Variants in SIN3A observed in about 807,000 individuals in gnomAD.
SIN3A encodes SIN3 transcription regulator family member A.
Under a neutral mutation model 146.1 loss-of-function variants are expected in SIN3A, and 14 were observed. The observed-to-expected ratio is 0.10, with a 90% confidence interval of 0.06 to 0.15. SIN3A has a LOEUF of 0.15. Among genes scored for constraint, SIN3A ranks in the 10% least tolerant of loss-of-function variants. The probability of loss-of-function intolerance (pLI) is 1.00; values close to 1 mark genes in which losing one functional copy is unlikely to be tolerated. For synonymous variants in SIN3A, 572 were observed against 572.0 expected (o/e 1.00, Z 0.00); for missense variants, 1,028 against 1,576.0 (o/e 0.65, Z 5.89).
At chr15:75,427,864 G>A (rs1011477616) in intron 2 of SIN3A, among the ~76,000 whole-genome samples, 3 of 151,798 alleles carry the variant, frequency 2.0e-5, no homozygotes, top group African/African-American at 7.3e-5. Context: ...CCAGCTACTC[G>A]GGAGGCTGAG....
In SIN3A at chr15:75,402,340, C is replaced by T. The variant is rs745494710; in HGVS notation, c.1408-370G>A. On this transcript the variant is annotated intron_variant, in intron 9 of 20. Coordinates refer to ENST00000394947, the MANE Select transcript of SIN3A (RefSeq NM_001145358.2). The stretch of plus-strand genomic sequence containing the variant: ...CAGACTGGCCAACATGCTGAAACCC[C>T]GTCTCTACTAAAAATACAAAAATTA... Among the ~76,000 whole-genome samples the T allele has an allele frequency of 1.6e-4, 24 of 151,968 alleles. 1 individual carries two copies. Among genetic ancestry groups the T allele is most frequent in the Admixed American group, 1.2e-3 (19 of 15,266 alleles).
chr15:75,410,055 AG>A, intron 7 of SIN3A, 64 bp from the exon 8 acceptor site: 1 of 1,605,366 alleles, frequency 6.2e-7, no homozygotes, highest in African/African-American at 1.3e-5. Flanking sequence ...ATCTAGGAAA[AG>A]TCCCCTTCTG....
chr15:75,436,046 G>A (rs1285143663), intron 1 of SIN3A, among the ~76,000 whole-genome samples: 1 of 151,378 alleles, frequency 6.6e-6, no homozygotes, highest in East Asian at 2.0e-4. Context: ...AGGATCTCTT[G>A]ACCTCAGAAG....
At chr15:75,383,742 C>G (rs997682111) in intron 17 of SIN3A, among the ~76,000 whole-genome samples, 7 of 152,126 alleles carry the variant, frequency 4.6e-5, no homozygotes, top group Non-Finnish European at 1.0e-4. Context: ...CTACCTCATT[C>G]TCCTGAGTAG....
chr15:75,380,419 A>G (rs1235018456), intron 19 of SIN3A, among the ~76,000 whole-genome samples: 2 of 152,186 alleles, frequency 1.3e-5, no homozygotes, highest in Non-Finnish European at 2.9e-5. Context: ...GTTATTGTTG[A>G]TTCTCTACAA....
rs2072738568 is a variant in SIN3A, at chr15:75,370,923, G to A, written c.*1056C>T. The A allele has an allele frequency of 6.9e-6, 1 of 145,584 alleles. No homozygotes were observed. The highest frequency in any genetic ancestry group is 7.0e-5 in the Admixed American group (1 of 14,260). 9.0% of individuals were successfully genotyped at this position (145,584 alleles called of 1,614,324 possible). A position where few individuals can be genotyped will look rare whatever the true frequency, so the allele number is the denominator to read the frequency against. ...GGTGAGGACAAGGGACGTGGGTTGA[G>A]AGTTTATTCCTTAAGTAAGAACCAA... On this transcript the variant is annotated 3_prime_UTR_variant, in exon 21 of 21. Transcript: ENST00000394947.
At chr15:75,401,464 G>T (rs1184675189) in intron 10 of SIN3A, among the ~76,000 whole-genome samples, 1 of 152,104 alleles carries the variant, frequency 6.6e-6, no homozygotes, top group Admixed American at 6.6e-5. Context: ...AACCCAGGAG[G>T]CGGAGGTTGC....
At chr15:75,423,771 T>C (rs1354188821) in intron 2 of SIN3A, among the ~76,000 whole-genome samples, 1 of 152,032 alleles carries the variant, frequency 6.6e-6, no homozygotes, top group Non-Finnish European at 1.5e-5. Context: ...GGCAGACAGA[T>C]CACTTGAGTT....
At chr15:75,441,817 T>C (rs981756358) in intron 1 of SIN3A, among the ~76,000 whole-genome samples, 3 of 152,074 alleles carry the variant, frequency 2.0e-5, no homozygotes, top group Admixed American at 2.0e-4. Context: ...GACTAATAAA[T>C]GTCAATCAGA....
Position 75,392,685 on chromosome 15 carries a change from C to A in SIN3A, c.2408G>T (p.Gly803Val). Residue 803 changes from glycine (G) to valine (V), a missense_variant, in exon 15 of 21, where the codon GGC (glycine) becomes GTC (valine). Transcript: ENST00000394947. ...LIIHHVKRQT[G>V]IQKEDKYKIK... ...CTTATATTTGTCCTCCTTCTGAATGCCTGTCTGCCTCTTCACATGGTGGAT... is the reference window on the plus strand; with the variant it reads ...CTTATATTTGTCCTCCTTCTGAATGACTGTCTGCCTCTTCACATGGTGGAT... 1 of 1,614,180 alleles carries A rather than the reference C, an allele frequency of 6.2e-7. No individual in the cohort carries two copies. The highest frequency in any genetic ancestry group is 8.5e-7 in the Non-Finnish European group (1 of 1,180,018).
rs1443445487 is a variant in SIN3A at position 75,409,734 on chromosome 15, C to CAAA, written c.1317+99_1317+101dup. On this transcript the variant is annotated intron_variant, in intron 8 of 20. Transcript: ENST00000394947. ...AGAGCGAGACTCGGTCTCAAAAAAACAAAAAAAAACAACAACAACAAAACA... is the reference window on the plus strand; with the variant it reads ...AGAGCGAGACTCGGTCTCAAAAAAACAAAAAAAAAAAACAACAACAACAAAACA... The CAAA allele has an allele frequency of 2.3e-6, 3 of 1,324,094 alleles. No individual in the cohort carries two copies. The Admixed American group carries it at 6.8e-5, about 30-fold the overall frequency. The allele number at this position is 1,324,094 out of a possible 1,614,324, so 82.0% of individuals were successfully genotyped here.
In SIN3A at chr15:75,422,605, A is replaced by G. The variant is rs749161601; in HGVS notation, c.366+42T>C. Reference sequence around the variant, plus strand: ...CAAGCTGCAACCAGTATTTCCTGCTAAAGATAAATTTTTTGACCCAAGAAA... The same window carrying G: ...CAAGCTGCAACCAGTATTTCCTGCTGAAGATAAATTTTTTGACCCAAGAAA... On this transcript the variant is annotated intron_variant, in intron 3 of 20. Transcript: ENST00000394947. 4.4e-5 allele frequency: 71 copies of G among 1,605,804 alleles called. No individual in the cohort carries two copies. The Admixed American group carries it at 4.8e-4, about 11-fold the overall frequency.
At chr15:75,407,751 G>T (rs1025968779) in intron 8 of SIN3A, among the ~76,000 whole-genome samples, 1 of 151,646 alleles carries the variant, frequency 6.6e-6, no homozygotes, top group Non-Finnish European at 1.5e-5. Flanking sequence ...AAATTAGCTG[G>T]GCGTGGTAGT....
chr15:75,376,964 T>C (rs2072874987), intron 19 of SIN3A, among the ~76,000 whole-genome samples: 1 of 151,222 alleles, frequency 6.6e-6, no homozygotes, highest in Non-Finnish European at 1.5e-5. Context: ...GTCCAAAGGG[T>C]CCCAGGACCC....
Position 75,427,457 on chromosome 15 carries a change from C to G in SIN3A, c.189+2730G>C, listed in dbSNP as rs866513398. ...GGCAGACAGGCGGATCACCTGAGGT[C>G]AAGACCAGCCTGGCCAGCACAGCGA... On this transcript the variant is annotated intron_variant, in intron 2 of 20. Coordinates refer to ENST00000394947, the MANE Select transcript of SIN3A (RefSeq NM_001145358.2). 6.6e-5 allele frequency among the ~76,000 whole-genome samples: 10 copies of G among 152,188 alleles called. No homozygotes were observed. In the Middle Eastern group the frequency reaches 0.01, roughly 155 times the overall value.
At chr15:75,449,424 GTTTA>G (rs1277085042) in intron 1 of SIN3A, among the ~76,000 whole-genome samples, 3 of 152,110 alleles carry the variant, frequency 2.0e-5, no homozygotes, top group Non-Finnish European at 4.4e-5. Context: ...TTGGTTCCAT[GTTTA>G]TTTTTCTCAT....
chr15:75,432,314 T>C (rs1281208335), intron 1 of SIN3A, among the ~76,000 whole-genome samples: 5 of 152,154 alleles, frequency 3.3e-5, no homozygotes, highest in Non-Finnish European at 4.4e-5. Flanking sequence ...TGACTTTCAG[T>C]GGTTTGGTCT....
chr15:75,444,623 C>T (rs934781400), intron 1 of SIN3A, among the ~76,000 whole-genome samples: 3 of 151,796 alleles, frequency 2.0e-5, no homozygotes, highest in Non-Finnish European at 4.4e-5. Context: ...AATCCCAGCA[C>T]TTTGGGAGGC....
At chr15:75,397,741 G>A (rs1276812367) in intron 12 of SIN3A, among the ~76,000 whole-genome samples, 1 of 152,164 alleles carries the variant, frequency 6.6e-6, no homozygotes, top group East Asian at 1.9e-4. Flanking sequence ...TTTCATGTTT[G>A]CCCTTGTAGT....
Sources: gnomAD v4.1 joint callset for allele counts (sites outside exome capture counted in the v4.1 genomes callset) on GRCh38, gnomAD v4.1.1 for gene constraint, MANE v1.5 for transcripts, NCBI Gene and HGNC (gene_info 2026-07-23, HGNC 2026-07-21) for gene names.